Variants in TMEM50B observed in about 807,000 individuals in gnomAD.
TMEM50B encodes the protein transmembrane protein 50B, also known as HCV p7-trans-regulated protein 3.
Under a neutral mutation model 23.4 loss-of-function variants are expected in TMEM50B, and 14 were observed. The ratio of observed to expected loss-of-function variants is 0.60; its 90% CI spans 0.39 to 0.93. The LOEUF (loss-of-function observed/expected upper bound fraction) is 0.93, where lower values mean the gene tolerates loss of function less well. TMEM50B is among the 40% of genes least tolerant of loss of function. TMEM50B has a pLI of 0.00. For synonymous variants in TMEM50B, 64 were observed against 62.3 expected, an observed-to-expected ratio of 1.03 and a Z score of -0.13; for missense variants, 159 against 193.0, an observed-to-expected ratio of 0.82 and a Z score of 1.04.
chr21:33,474,811 TAAATA>T (rs367854979), intron 1 of TMEM50B, among the ~76,000 whole-genome samples: 4,396 of 25,602 alleles, frequency 0.17, 253 homozygotes, highest in Non-Finnish European at 0.23. Flanking sequence ...AATAAATAAA[TAAATA>T]AAATAAAATA....
intron 7 of TMEM50B, among the ~76,000 whole-genome samples, chr21:33,443,465 C>G (rs1359418403): frequency 2.0e-5 from 3 of 148,340 alleles, no homozygotes; most frequent in Non-Finnish European, 4.5e-5. Flanking sequence ...CACAAAGGCA[C>G]ACAGCAACTG....
intron 8 of TMEM50B, among the ~76,000 whole-genome samples, chr21:33,435,021 G>A (rs1232364968): frequency 6.6e-6 from 1 of 152,148 alleles, no homozygotes; most frequent in East Asian, 1.9e-4. Context: ...TATAATTCTG[G>A]GGTTTCACAA....
At chr21:33,447,984 T>C (rs1406856215), downstream of TMEM50B, among the ~76,000 whole-genome samples, 1 of 152,166 alleles carries the variant, frequency 6.6e-6, no homozygotes, top group African/African-American at 2.4e-5. Context: ...ATTATCTCTT[T>C]TATGTTTTTA....
At chr21:33,474,610 A>T (rs1378479051) in intron 1 of TMEM50B, among the ~76,000 whole-genome samples, 5 of 146,422 alleles carry the variant, frequency 3.4e-5, no homozygotes, top group Non-Finnish European at 6.0e-5. Flanking sequence ...CCCTGTCTCT[A>T]CTAAAAATAC....
chr21:33,445,728 G>C (rs1231754012), downstream of TMEM50B, among the ~76,000 whole-genome samples: 18 of 152,060 alleles, frequency 1.2e-4, no homozygotes. Flanking sequence ...AACCCAGGAG[G>C]CTGAGGCTGC....
chr21:33,471,870 C>T (rs1308252165), intron 1 of TMEM50B, among the ~76,000 whole-genome samples: 1 of 150,600 alleles, frequency 6.6e-6, no homozygotes, highest in African/African-American at 2.4e-5. Flanking sequence ...CCCGTCTCTA[C>T]TAAAAATACA....
downstream of TMEM50B, among the ~76,000 whole-genome samples, chr21:33,447,719 CATATAT>C (rs67698508): frequency 4.5e-3 from 352 of 77,824 alleles, 1 homozygote; most frequent in African/African-American, 0.016. Context: ...CACACACACA[CATATAT>C]ATATATACTG....
chr21:33,441,791 G>A (rs930192017), intron 7 of TMEM50B, among the ~76,000 whole-genome samples: 12 of 152,168 alleles, frequency 7.9e-5, no homozygotes, highest in African/African-American at 2.9e-4. Flanking sequence ...CACCATGCCT[G>A]GCTAATTTTT....
At position 33,465,397 on chromosome 21, in the gene TMEM50B, T is replaced by A; in HGVS notation, c.225A>T (p.Val75=). The A allele has an allele frequency of 6.2e-7, 1 of 1,612,532 alleles. No individual in the cohort carries two copies. The highest frequency in any genetic ancestry group is 8.5e-7 in the Non-Finnish European group (1 of 1,179,586). ...STLAFFMINA[V]SNAQVRGDSY... is the part of the protein sequence containing the mutation. ...TATCACCTCTCACCTGAGCATTGGA[T>A]ACAGCATTTATCCTAGAACGGCACA... is the stretch of plus-strand genomic sequence containing the variant. The change falls in exon 4 of 7, where the codon GTA becomes GTT. Residue 75 remains valine, a synonymous_variant. Coordinates refer to ENST00000542230, the MANE Select transcript of TMEM50B (RefSeq NM_006134.7).
In TMEM50B at chr21:33,468,796, T is replaced by C; in HGVS notation, c.90A>G (p.Ala30=). ...ERRNAVASVV[A]GILFFTGWWI... ...AGTCTTTCTCACTTACCAATATACC[T>C]GCGACAACAGATGCCACAGCATTTC... Residue 30 remains alanine (A), a synonymous_variant, in exon 2 of 7, where the codon GCA becomes GCG. Coordinates refer to ENST00000542230, the MANE Select transcript of TMEM50B (RefSeq NM_006134.7). 5 of 1,613,772 alleles carry C rather than the reference T, an allele frequency of 3.1e-6. No homozygotes were observed. The highest frequency in any genetic ancestry group is 4.2e-6 in the Non-Finnish European group (5 of 1,179,852).
intron 6 of TMEM50B, among the ~76,000 whole-genome samples, chr21:33,451,173 G>A (rs2084116433): frequency 6.6e-6 from 1 of 152,146 alleles, no homozygotes; most frequent in African/African-American, 2.4e-5. Context: ...AAGAAAAAGG[G>A]AGAGAGACCA....
At chr21:33,458,971 A>C (rs1207163083) in intron 5 of TMEM50B, among the ~76,000 whole-genome samples, 1 of 152,240 alleles carries the variant, frequency 6.6e-6, no homozygotes, top group African/African-American at 2.4e-5. Context: ...TATACTGATC[A>C]AACTATGAGA....
downstream of TMEM50B, among the ~76,000 whole-genome samples, chr21:33,448,041 G>A (rs1408806664): frequency 6.6e-6 from 1 of 152,082 alleles, no homozygotes; most frequent in East Asian, 1.9e-4. Context: ...CACCCAAGCT[G>A]GAGTGCAGTT....
At position 33,453,088 on chromosome 21, in the gene TMEM50B, TTTTA is replaced by T. The variant is rs532617907; in HGVS notation, c.432-2229_432-2226del. Among the ~76,000 whole-genome samples the T allele has an allele frequency of 7.5e-3, 1,144 of 152,284 alleles. 11 individuals carry two copies. Among genetic ancestry groups the T allele is most frequent in the Non-Finnish European group, 0.011 (732 of 68,016 alleles). On this transcript the variant is annotated intron_variant, in intron 6 of 6. Coordinates refer to ENST00000542230, the MANE Select transcript of TMEM50B (RefSeq NM_006134.7). ...TTCAAAGTGACAATAGAGAGATTAATTTTATTTATTTATGTATTTATTTATTTTG... is the reference window on the plus strand; with the variant it reads ...TTCAAAGTGACAATAGAGAGATTAATTTTATTTATGTATTTATTTATTTTG...
chr21:33,465,524 A>G, intron 3 of TMEM50B, 115 bp from the exon 4 acceptor site: 1 of 737,078 alleles, frequency 1.4e-6, no homozygotes, highest in East Asian at 3.0e-5. Flanking sequence ...TCAGTATCTG[A>G]ATAATTTAAC....
At chr21:33,442,719 G>A (rs1302718820) in intron 7 of TMEM50B, among the ~76,000 whole-genome samples, 1 of 152,022 alleles carries the variant, frequency 6.6e-6, no homozygotes, top group Non-Finnish European at 1.5e-5. Flanking sequence ...TCAGGAGTTC[G>A]ACACCAGCCT....
Position 33,449,662 on chromosome 21 carries a change from T to A in TMEM50B, c.*1156A>T, listed in dbSNP as rs1265584167. ...GACTTGCAGTCGGTAACTGAGTAGATGAAATGCATAATTTTTCACTAGGTG... is the reference window on the plus strand; with the variant it reads ...GACTTGCAGTCGGTAACTGAGTAGAAGAAATGCATAATTTTTCACTAGGTG... On this transcript the variant is annotated 3_prime_UTR_variant, in exon 7 of 7. Coordinates refer to ENST00000542230, the MANE Select transcript of TMEM50B (RefSeq NM_006134.7). 2 of 152,274 alleles carry A rather than the reference T, an allele frequency of 1.3e-5. No homozygotes were observed. Among genetic ancestry groups the A allele is most frequent in the African/African-American group, 4.8e-5 (2 of 41,462 alleles). 9.4% of individuals were successfully genotyped at this position (152,274 alleles called of 1,614,324 possible). A position where few individuals can be genotyped will look rare whatever the true frequency, so the allele number is the denominator to read the frequency against.
At chr21:33,465,745 T>C (rs576582635) in intron 3 of TMEM50B, among the ~76,000 whole-genome samples, 9 of 152,336 alleles carry the variant, frequency 5.9e-5, no homozygotes, top group African/African-American at 2.2e-4. Context: ...GTTCTCATTA[T>C]TATCAAGAGT....
intron 6 of TMEM50B, among the ~76,000 whole-genome samples, chr21:33,451,871 A>G (rs938952485): frequency 5.3e-5 from 8 of 152,172 alleles, no homozygotes; most frequent in Non-Finnish European, 2.9e-5. Context: ...AAAAGGTAGT[A>G]GGCAGGGAGT....
Sources: gnomAD v4.1 joint callset for allele counts (sites outside exome capture counted in the v4.1 genomes callset) on GRCh38, gnomAD v4.1.1 for gene constraint, MANE v1.5 for transcripts, NCBI Gene and HGNC (gene_info 2026-07-23, HGNC 2026-07-21) for gene names.